Variants in ZNF345 observed in about 807,000 individuals in gnomAD.
ZNF345 encodes zinc finger protein HZF10.
For missense variants in ZNF345, 527 were observed against 589.9 expected (o/e 0.89, Z 1.10); for synonymous variants, 166 against 187.9 (o/e 0.88, Z 0.95).
At chr19:36,884,630 C>T (rs1054365213) in intron 3 of ZNF345, among the ~76,000 whole-genome samples, 2 of 152,156 alleles carry the variant, frequency 1.3e-5, no homozygotes, top group Non-Finnish European at 2.9e-5. Flanking sequence ...TTCTGCCCTT[C>T]TTGCTGGTTT....
intron 3 of ZNF345, chr19:36,890,561 G>A (rs954365830): frequency 1.3e-5 from 2 of 151,240 alleles, no homozygotes; most frequent in African/African-American, 4.9e-5. Context: ...GTCTGTTTTG[G>A]CCATCACGGT....
intron 2 of ZNF345, among the ~76,000 whole-genome samples, chr19:36,868,629 CTTT>C (rs539327560): frequency 1.5e-5 from 2 of 134,648 alleles, no homozygotes; most frequent in Non-Finnish European, 1.6e-5. Context: ...TGAGGAGTGG[CTTT>C]TTTTTTTTTT....
chr19:36,891,337 C>T, intron 3 of ZNF345: 1 of 687,648 alleles, frequency 1.5e-6, no homozygotes. Context: ...TTGTTTTAAG[C>T]CACCAAGGTT....
chr19:36,854,238 T>G (rs1162752487), intron 2 of ZNF345, among the ~76,000 whole-genome samples: 2 of 150,588 alleles, frequency 1.3e-5, no homozygotes, highest in Admixed American at 6.6e-5. Flanking sequence ...GGGTTTTGTT[T>G]TTTTTTTTTT....
chr19:36,876,625 T>C (rs1379071987), intron 2 of ZNF345, among the ~76,000 whole-genome samples, 160 bp from the exon 3 acceptor site: 2 of 152,216 alleles, frequency 1.3e-5, no homozygotes, highest in East Asian at 1.9e-4. Context: ...TCTGCTTCCC[T>C]AATCTGTTTT....
chr19:36,867,796 A>T (rs2072689778), intron 2 of ZNF345, among the ~76,000 whole-genome samples: 1 of 152,066 alleles, frequency 6.6e-6, no homozygotes, highest in South Asian at 2.1e-4. Context: ...TTAGTCATAG[A>T]TGTTTGGGTT....
intron 3 of ZNF345, chr19:36,889,997 A>T (rs1055745666): frequency 6.6e-6 from 1 of 152,178 alleles, no homozygotes; most frequent in Non-Finnish European, 1.5e-5. Flanking sequence ...AAAAAATTTT[A>T]AATTTCCACC....
At chr19:36,876,659 G>A (rs925288014) in intron 2 of ZNF345, 126 bp from the exon 3 acceptor site, 22 of 548,384 alleles carry the variant, frequency 4.0e-5, no homozygotes, top group Non-Finnish European at 6.0e-5. Context: ...TCATATGTGA[G>A]AACTGTATAA....
At chr19:36,887,597 C>T (rs1006736023) in intron 3 of ZNF345, among the ~76,000 whole-genome samples, 2 of 152,018 alleles carry the variant, frequency 1.3e-5, no homozygotes, top group African/African-American at 4.8e-5. Flanking sequence ...TCCACAGAGC[C>T]GGATTTATCA....
rs1409956782 is a variant in ZNF345 at position 36,878,213 on chromosome 19, G to A, written c.1383G>A (p.Lys461=). 6.2e-7 allele frequency: 1 copy of A among 1,613,630 alleles called. No individual in the cohort carries two copies. The highest frequency in any genetic ancestry group is 1.1e-5 in the South Asian group (1 of 90,954). Residue 461 remains lysine (K), a synonymous_variant, in exon 3 of 3, where the codon AAG becomes AAA. Transcript: ENST00000420450. The part of the protein sequence containing the change: ...EKLYECKNCG[K]AYGRDSEFQQ... Reference sequence around the variant, plus strand: ...TTTATGAATGTAAGAACTGTGGGAAGGCTTATGGGAGGGATTCAGAGTTTC... The same window carrying A: ...TTTATGAATGTAAGAACTGTGGGAAAGCTTATGGGAGGGATTCAGAGTTTC...
intron 2 of ZNF345, among the ~76,000 whole-genome samples, chr19:36,858,036 T>TC (rs545450081): frequency 1.9e-3 from 292 of 152,162 alleles, no homozygotes; most frequent in African/African-American, 6.5e-3. Flanking sequence ...CACCTAGGCC[T>TC]CCCAAAGTGC....
At chr19:36,868,002 CTTTT>C (rs569167997) in intron 2 of ZNF345, among the ~76,000 whole-genome samples, 2 of 127,052 alleles carry the variant, frequency 1.6e-5, no homozygotes, top group Non-Finnish European at 1.7e-5. Flanking sequence ...TGAGGAGTGG[CTTTT>C]TTTTTTTTTT....
At chr19:36,862,474 G>A (rs1428933694) in intron 2 of ZNF345, among the ~76,000 whole-genome samples, 1 of 151,306 alleles carries the variant, frequency 6.6e-6, no homozygotes, top group Non-Finnish European at 1.5e-5. Context: ...ACCAGCCTGG[G>A]CAACACAGGG....
chr19:36,891,831 A>G (rs1961331480), intron 3 of ZNF345: 1 of 1,614,130 alleles, frequency 6.2e-7, no homozygotes, highest in Non-Finnish European at 8.5e-7. Context: ...AAGGTTTCTC[A>G]CCAGTATGCA....
At chr19:36,860,282 T>C (rs2146144015) in intron 2 of ZNF345, among the ~76,000 whole-genome samples, 1 of 152,316 alleles carries the variant, frequency 6.6e-6, no homozygotes, top group South Asian at 2.1e-4. Context: ...TGCCCCTTTA[T>C]TTCCTAACAA....
intron 3 of ZNF345, chr19:36,888,623 G>A (rs1194300526): frequency 4.6e-5 from 7 of 152,190 alleles, no homozygotes; most frequent in Non-Finnish European, 1.0e-4. Flanking sequence ...TACACATATA[G>A]TGTAGTGGGG....
intron 3 of ZNF345, among the ~76,000 whole-genome samples, chr19:36,886,514 G>A (rs2072997615): frequency 6.6e-6 from 1 of 152,158 alleles, no homozygotes; most frequent in African/African-American, 2.4e-5. Flanking sequence ...AACATTCTAC[G>A]CTATACTGAC....
In ZNF345 at chr19:36,879,562, A is replaced by G. The variant is rs2072955791; in HGVS notation, c.*1265A>G. ...TTTGTCAAATATTAAAAATTTTGCC[A>G]TTATAAACACTTACCTTGATGGCCC... On this transcript the variant is annotated 3_prime_UTR_variant, in exon 3 of 3. Transcript: ENST00000420450. 1 of 166,852 alleles carries G rather than the reference A, an allele frequency of 6.0e-6. No individual in the cohort carries two copies. The highest frequency in any genetic ancestry group is 6.5e-5 in the Admixed American group (1 of 15,284). The allele number at this position is 166,852 out of a possible 1,614,324, so 10.3% of individuals were successfully genotyped here. A position where few individuals can be genotyped will look rare whatever the true frequency, so the allele number is the denominator to read the frequency against.
chr19:36,892,459 A>G lies in ZNF345; in HGVS notation c.47-359A>G, dbSNP rs2073066895. The G allele has an allele frequency of 1.9e-6, 3 of 1,583,386 alleles. No homozygotes were observed. The highest frequency in any genetic ancestry group is 2.6e-6 in the Non-Finnish European group (3 of 1,170,566). The stretch of plus-strand genomic sequence containing the variant: ...TAGAGATAATATTTTGGTCTCACAC[A>G]TTGATTCCAGATCTGAAAGAAAATA... On this transcript the variant is annotated intron_variant, in intron 3 of 3. Coordinates refer to the ZNF345 transcript ENST00000526123.
Sources: allele counts gnomAD v4.1 joint callset (sites outside exome capture counted in the v4.1 genomes callset), GRCh38; gene constraint gnomAD v4.1.1; transcripts MANE v1.5; gene names NCBI Gene and HGNC (gene_info 2026-07-23, HGNC 2026-07-21).